PRSS38: variants seen among roughly 807,000 people sequenced by gnomAD.
PRSS38 encodes the protein marapsin 2.
A neutral mutation model predicts 26.8 loss-of-function variants in PRSS38; 22 were observed. That is an observed-to-expected ratio of 0.82 (90% CI 0.59 to 1.17). PRSS38 has a LOEUF of 1.17. Among genes scored for constraint, PRSS38 ranks in the 50% most tolerant of loss-of-function variants. The pLI, the probability that PRSS38 is intolerant of heterozygous loss-of-function variation, is 0.00. For missense variants in PRSS38, 427 were observed against 422.7 expected, an observed-to-expected ratio of 1.01 and a Z score of -0.09; for synonymous variants, 175 against 172.1, an observed-to-expected ratio of 1.02 and a Z score of -0.13.
At position 227,816,046 on chromosome 1, in the gene PRSS38, G is replaced by T. The variant is rs114564458; in HGVS notation, c.149-44G>T. On this transcript the variant is annotated intron_variant, in intron 1 of 4. Coordinates refer to ENST00000366757, the Ensembl canonical transcript of PRSS38. This position sits in a 1 kb window ranked among gnomAD's most constrained non-coding sequence, Gnocchi z 5.1. Reference sequence around the variant, plus strand: ...GTCCCCTGCCTGCCCTACCTCTCCCGTGGCCCCAGCATGGCTCCACCGTCA... The same window carrying T: ...GTCCCCTGCCTGCCCTACCTCTCCCTTGGCCCCAGCATGGCTCCACCGTCA... 1 of 1,390,766 alleles carries T rather than the reference G, an allele frequency of 7.2e-7. No individual in the cohort carries two copies. The highest frequency in any genetic ancestry group is 1.2e-5 in the South Asian group (1 of 83,608). 86.2% of individuals were successfully genotyped at this position (1,390,766 alleles called of 1,614,324 possible).
At chr1:227,840,470 C>T (rs1344709440) in intron 3 of PRSS38, among the ~76,000 whole-genome samples, 2 of 152,158 alleles carry the variant, frequency 1.3e-5, no homozygotes, top group Non-Finnish European at 2.9e-5. Context: ...AGGAATATTT[C>T]ATAAAACATG....
intron 3 of PRSS38, among the ~76,000 whole-genome samples, chr1:227,820,814 T>C (rs1664992882): frequency 6.6e-6 from 1 of 152,190 alleles, no homozygotes; most frequent in African/African-American, 2.4e-5. Context: ...TCTTTAAATA[T>C]TTGGTAGAAT....
chr1:227,823,480 A>T (rs1378246879), intron 3 of PRSS38, among the ~76,000 whole-genome samples: 2 of 151,174 alleles, frequency 1.3e-5, no homozygotes, highest in Non-Finnish European at 2.9e-5. Flanking sequence ...CATAGTTTGG[A>T]TGTTTGTTTC....
At chr1:227,829,590 T>C (rs1199253254) in intron 3 of PRSS38, among the ~76,000 whole-genome samples, 4 of 152,226 alleles carry the variant, frequency 2.6e-5, no homozygotes, top group Admixed American at 2.0e-4. Flanking sequence ...ATATAGTTTA[T>C]GATTTTTGAA....
chr1:227,841,253 C>T (rs1294452132), intron 3 of PRSS38, among the ~76,000 whole-genome samples: 1 of 152,258 alleles, frequency 6.6e-6, no homozygotes, highest in Admixed American at 6.5e-5. Context: ...CTCCATCCAG[C>T]AGGCTGGCCT....
intron 3 of PRSS38, among the ~76,000 whole-genome samples, chr1:227,826,401 C>A (rs1044420983): frequency 1.3e-5 from 2 of 152,240 alleles, no homozygotes; most frequent in Admixed American, 6.5e-5. Flanking sequence ...CTGGACAGAA[C>A]GTCCAATATT....
chr1:227,826,043 C>G (rs1219636057), intron 3 of PRSS38, among the ~76,000 whole-genome samples: 2 of 152,038 alleles, frequency 1.3e-5, no homozygotes, highest in Admixed American at 1.3e-4. Flanking sequence ...TGTTTGTGTC[C>G]CCTCTGATTT....
intron 3 of PRSS38, among the ~76,000 whole-genome samples, chr1:227,837,837 T>C (rs183126442): frequency 1.3e-5 from 2 of 152,350 alleles, no homozygotes; most frequent in Admixed American, 1.3e-4. Context: ...TAGGAGTTTC[T>C]TTATATATTC....
intron 3 of PRSS38, among the ~76,000 whole-genome samples, chr1:227,832,186 T>C (rs1185859262): frequency 2.0e-5 from 3 of 152,248 alleles, no homozygotes; most frequent in African/African-American, 7.2e-5. Flanking sequence ...TATATGCCTC[T>C]GAATCCAAAG....
At chr1:227,821,558 G>A (rs138749321) in intron 3 of PRSS38, among the ~76,000 whole-genome samples, 127 of 152,134 alleles carry the variant, frequency 8.3e-4, no homozygotes, top group African/African-American at 2.7e-3. Flanking sequence ...TTGTTTATCC[G>A]TGAACGACTT....
At chr1:227,834,618 G>A (rs1413392177) in intron 3 of PRSS38, among the ~76,000 whole-genome samples, 4 of 151,690 alleles carry the variant, frequency 2.6e-5, no homozygotes, top group African/African-American at 4.8e-5. Flanking sequence ...GCAGTGAGCC[G>A]AGATTGCACC....
intron 3 of PRSS38, among the ~76,000 whole-genome samples, chr1:227,829,480 C>T (rs1297084117): frequency 6.6e-6 from 1 of 152,106 alleles, no homozygotes; most frequent in Non-Finnish European, 1.5e-5. Flanking sequence ...TGAGCACTCC[C>T]AAAGAAATTC....
Position 227,845,975 on chromosome 1 carries a change from G to C in PRSS38, c.748G>C (p.Val250Leu). The change falls in exon 5 of 5, where the codon GTC becomes CTC. Residue 250 changes from valine to leucine, a missense_variant. Transcript: ENST00000366757. ...CTAGGGCGACTCCGGGGGCCCACTTGTCTGTGAATTCAACCGCAGCTGGTT... is the reference window on the plus strand; with the variant it reads ...CTAGGGCGACTCCGGGGGCCCACTTCTCTGTGAATTCAACCGCAGCTGGTT... 2 of 1,614,148 alleles carry C rather than the reference G, an allele frequency of 1.2e-6. No homozygotes were observed. Among genetic ancestry groups the C allele is most frequent in the East Asian group, 2.2e-5 (1 of 44,888 alleles).
chr1:227,844,048 C>T (rs1417823545), intron 3 of PRSS38, among the ~76,000 whole-genome samples: 1 of 152,176 alleles, frequency 6.6e-6, no homozygotes. Context: ...CTTTCAACTC[C>T]CCAGACTGTT....
rs144839180 is a variant in PRSS38 at position 227,844,131 on chromosome 1, G to A, written c.584-1339G>A. 2.7e-3 allele frequency among the ~76,000 whole-genome samples: 406 copies of A among 152,268 alleles called. 1 individual carries two copies. The highest frequency in any genetic ancestry group is 8.4e-3 in the African/African-American group (348 of 41,530). On this transcript the variant is annotated intron_variant, in intron 3 of 4. Transcript: ENST00000366757. ...ATCTTTTGTTTTAACTTTTATAATC[G>A]TTTCTTTTTTGATATAAATATTCAG... is the stretch of plus-strand genomic sequence containing the variant.
chr1:227,845,403 G>T (rs776010769), intron 3 of PRSS38, 67 bp from the exon 4 acceptor site: 25 of 1,143,820 alleles, frequency 2.2e-5, no homozygotes, highest in Non-Finnish European at 3.0e-5. Context: ...TGTCCACTGT[G>T]GGGCAGGGAT....
rs149052372 is a variant in PRSS38 at position 227,846,089 on chromosome 1, A to G, written c.862A>G (p.Ile288Val). 18 of 1,614,186 alleles carry G rather than the reference A, an allele frequency of 1.1e-5. No homozygotes were observed. In the African/African-American group the frequency reaches 2.3e-4, roughly 20 times the overall value. The change falls in exon 5 of 5, where the codon ATA becomes GTA. Residue 288 changes from isoleucine to valine, a missense_variant. By Grantham distance (29) the Ile-to-Val change is conservative (BLOSUM62 3). Transcript: ENST00000366757. ...CAGTGTTTCCTATTTCTCAAAATGG[A>G]TATGTGATAACATAGAAATCACGCC...
chr1:227,834,294 A>G (rs1277294802), intron 3 of PRSS38, among the ~76,000 whole-genome samples: 1 of 152,172 alleles, frequency 6.6e-6, no homozygotes, highest in Non-Finnish European at 1.5e-5. Context: ...CAGCCCTAGG[A>G]AACAAATACA....
intron 3 of PRSS38, among the ~76,000 whole-genome samples, chr1:227,821,928 C>G (rs1389883526): frequency 6.6e-6 from 1 of 152,092 alleles, no homozygotes; most frequent in Non-Finnish European, 1.5e-5. Flanking sequence ...CTACCTCATT[C>G]TGTCTCTCTT....
Sources: gnomAD v4.1 joint callset for allele counts (sites outside exome capture counted in the v4.1 genomes callset) on GRCh38, gnomAD v4.1.1 for gene constraint, Gnocchi (gnomAD v3.1) non-coding constraint, MANE v1.5 for transcripts, NCBI Gene and HGNC (gene_info 2026-07-23, HGNC 2026-07-21) for gene names.